The following ADAMTS12 variants were observed in gnomAD, a reference collection of about 807,000 sequenced individuals.
ADAMTS12 encodes the protein A disintegrin and metalloproteinase with thrombospondin motifs 12.
In ADAMTS12, 118 loss-of-function variants were observed where a neutral mutation model predicts 167.8. The ratio of observed to expected loss-of-function variants is 0.70; its 90% confidence interval spans 0.61 to 0.82. The LOEUF is 0.82. Ranked by LOEUF, ADAMTS12 falls within the 40% of genes least tolerant of loss-of-function variation. ADAMTS12 has a pLI of 0.00. For missense variants in ADAMTS12, 1,916 were observed against 1,998.8 expected (o/e 0.96, Z 0.79); for synonymous variants, 704 against 716.9 (o/e 0.98, Z 0.29).
chr5:33,649,786 TCA>T (rs1435404164), intron 7 of ADAMTS12, 89 bp from the exon 8 acceptor site: 4 of 1,517,588 alleles, frequency 2.6e-6, no homozygotes, highest in South Asian at 1.3e-5. Flanking sequence ...GCGTAATAAC[TCA>T]CAGACAGCCA....
intron 2 of ADAMTS12, among the ~76,000 whole-genome samples, chr5:33,873,463 T>C (rs1168827343): frequency 6.6e-6 from 1 of 152,172 alleles, no homozygotes; most frequent in Non-Finnish European, 1.5e-5. Flanking sequence ...GATAGGAAGA[T>C]TCAATGTTAT....
chr5:33,535,072 A>G lies in ADAMTS12; in HGVS notation c.4447-80T>C, dbSNP rs910028832. ...ACACCAGTAGAACACCTCCAATCCC[A>G]CTGTGGTCAAGAATGGAAACATCTC... On this transcript the variant is annotated intron_variant, in intron 22 of 23. Coordinates refer to ENST00000504830, the MANE Select transcript of ADAMTS12 (RefSeq NM_030955.4). The G allele has an allele frequency of 1.8e-5, 25 of 1,400,874 alleles. 1 individual carries two copies. The African/African-American group carries it at 3.5e-4, about 19-fold the overall frequency. The allele number at this position is 1,400,874 out of a possible 1,614,324, so 86.8% of individuals were successfully genotyped here.
intron 22 of ADAMTS12, among the ~76,000 whole-genome samples, chr5:33,542,031 G>A (rs1744725566): frequency 6.6e-6 from 1 of 152,074 alleles, no homozygotes; most frequent in African/African-American, 2.4e-5. Context: ...CCAATTAAAA[G>A]ACACAGACTA....
In ADAMTS12 at chr5:33,527,195, T is replaced by G. The variant is rs771698572; in HGVS notation, c.4778A>C (p.Glu1593Ala). 6.2e-7 allele frequency: 1 copy of G among 1,614,160 alleles called. No individual in the cohort carries two copies. Among genetic ancestry groups the G allele is most frequent in the Non-Finnish European group, 8.5e-7 (1 of 1,180,022 alleles). ...GCTGGCTTCCTTTTGGGCTTAGAGT[T>G]CTTTTGACTTTTGGAGCAACCGTTG... is the stretch of plus-strand genomic sequence containing the variant. The part of the protein sequence containing the change: ...RRQRLLQKSK[E>A]L The change falls in exon 24 of 24, where the codon GAA becomes GCA. Residue 1593 changes from glutamate (E) to alanine (A), a missense_variant. Physicochemically the swap from Glu to Ala is moderately radical, Grantham distance 107. Transcript: ENST00000504830.
chr5:33,603,514 G>C (rs1738285699), intron 16 of ADAMTS12: 1 of 152,198 alleles, frequency 6.6e-6, no homozygotes, highest in Admixed American at 6.5e-5. Flanking sequence ...CCTAAAGTCA[G>C]AGCGTCACTC....
chr5:33,677,688 A>G (rs1439480340), intron 5 of ADAMTS12, among the ~76,000 whole-genome samples: 1 of 152,216 alleles, frequency 6.6e-6, no homozygotes, highest in African/African-American at 2.4e-5. Context: ...CAGGGACATG[A>G]CAGGAGTGAG....
chr5:33,621,413 A>G (rs1739324190), intron 14 of ADAMTS12, among the ~76,000 whole-genome samples: 4 of 151,906 alleles, frequency 2.6e-5, no homozygotes, highest in Admixed American at 2.6e-4. Flanking sequence ...AAAAAAAAAA[A>G]AAAAAAGAAT....
rs967227577 is a variant in ADAMTS12, at chr5:33,558,690, C to T, written c.4125+2337G>A. On this transcript the variant is annotated intron_variant, in intron 20 of 23. Transcript: ENST00000504830. ...ACACAAGCTATTTCACACATCTTTC[C>T]TTTTCATGAGTCATGTAATTTCCAA... Among the ~76,000 whole-genome samples the T allele has an allele frequency of 3.9e-5, 6 of 152,304 alleles. No homozygotes were observed. The South Asian group carries it at 6.2e-4, about 16-fold the overall frequency.
At chr5:33,775,455 A>G (rs1364233435) in intron 2 of ADAMTS12, among the ~76,000 whole-genome samples, 1 of 152,178 alleles carries the variant, frequency 6.6e-6, no homozygotes, top group Admixed American at 6.6e-5. Flanking sequence ...ATCATGTTTA[A>G]TTTACATACC....
intron 2 of ADAMTS12, among the ~76,000 whole-genome samples, chr5:33,837,428 A>G (rs1374018688): frequency 2.0e-5 from 3 of 152,196 alleles, no homozygotes; most frequent in Non-Finnish European, 4.4e-5. Context: ...GTACTGGAGA[A>G]AGTCCTCATA....
chr5:33,671,387 G>A (rs1724618885), intron 5 of ADAMTS12, among the ~76,000 whole-genome samples: 1 of 152,104 alleles, frequency 6.6e-6, no homozygotes, highest in Non-Finnish European at 1.5e-5. Flanking sequence ...TTGTCATATT[G>A]TACTAAGATT....
At chr5:33,699,496 G>A (rs1742917406) in intron 3 of ADAMTS12, among the ~76,000 whole-genome samples, 1 of 152,014 alleles carries the variant, frequency 6.6e-6, no homozygotes, top group African/African-American at 2.4e-5. Flanking sequence ...AAATGTTTGG[G>A]ATGAAGGACT....
chr5:33,595,334 T>A (rs144556619), intron 17 of ADAMTS12, among the ~76,000 whole-genome samples: 4 of 152,346 alleles, frequency 2.6e-5, no homozygotes, highest in African/African-American at 4.8e-5. Flanking sequence ...AATCTGTCAA[T>A]GTCTGCAGAC....
intron 2 of ADAMTS12, among the ~76,000 whole-genome samples, chr5:33,816,280 A>C (rs1447412726): frequency 1.3e-5 from 2 of 152,210 alleles, no homozygotes; most frequent in African/African-American, 4.8e-5. Context: ...GCCAGTGAAC[A>C]CATCCATCAT....
At chr5:33,757,634 T>C (rs1332229656) in intron 2 of ADAMTS12, among the ~76,000 whole-genome samples, 3 of 152,024 alleles carry the variant, frequency 2.0e-5, no homozygotes, top group Non-Finnish European at 2.9e-5. Flanking sequence ...TGGGAAAAAA[T>C]AATCCCTTTG....
chr5:33,722,239 G>T (rs1231054703), intron 3 of ADAMTS12, among the ~76,000 whole-genome samples: 2 of 152,132 alleles, frequency 1.3e-5, no homozygotes, highest in Non-Finnish European at 2.9e-5. Flanking sequence ...TTTGTTATCA[G>T]AATAAAGCAA....
rs1749622332 is a variant in ADAMTS12, at chr5:33,861,734, A to T, written c.489+19385T>A. On this transcript the variant is annotated intron_variant, in intron 2 of 23. Coordinates refer to ENST00000504830, the MANE Select transcript of ADAMTS12 (RefSeq NM_030955.4). ...AATCAACAGAATACACATTCTTCTT[A>T]GCACCATATTGCACTTATTCTAAAA... is the stretch of plus-strand genomic sequence containing the variant. Among the ~76,000 whole-genome samples, 3 of 152,344 alleles carry T rather than the reference A, an allele frequency of 2.0e-5. No homozygotes were observed. The South Asian group carries it at 6.2e-4, about 32-fold the overall frequency.
intron 22 of ADAMTS12, among the ~76,000 whole-genome samples, chr5:33,545,336 G>C (rs1420972268): frequency 1.3e-5 from 2 of 152,170 alleles, no homozygotes; most frequent in Non-Finnish European, 2.9e-5. Flanking sequence ...AGTTAGAATG[G>C]TGATCATTAA....
intron 2 of ADAMTS12, among the ~76,000 whole-genome samples, chr5:33,810,935 T>C (rs1747436038): frequency 1.3e-5 from 2 of 152,186 alleles, no homozygotes; most frequent in African/African-American, 4.8e-5. Context: ...TTGTCCCACC[T>C]CTTTGCTGGG....
Sources: gnomAD v4.1 joint callset for allele counts (sites outside exome capture counted in the v4.1 genomes callset) on GRCh38, gnomAD v4.1.1 for gene constraint, MANE v1.5 for transcripts, NCBI Gene and HGNC (gene_info 2026-07-23, HGNC 2026-07-21) for gene names.